Variants in KAZN observed in about 807,000 individuals in gnomAD.
KAZN encodes kazrin, periplakin interacting protein, also known as kazrin.
In KAZN, 40 loss-of-function variants were observed where a neutral mutation model predicts 87.4. The observed-to-expected ratio is 0.46, with a 90% CI of 0.36 to 0.60. The LOEUF (loss-of-function observed/expected upper bound fraction) is 0.60, where lower values mean the gene tolerates loss of function less well. KAZN is among the 20% of genes least tolerant of loss of function. KAZN has a pLI of 0.00. For missense variants in KAZN, 898 were observed against 1,073.9 expected, an observed-to-expected ratio of 0.84 and a Z score of 2.29; for synonymous variants, 466 against 458.3, an observed-to-expected ratio of 1.02 and a Z score of -0.22.
chr1:14,747,987 C>T (rs1021440123), intron 1 of KAZN, among the ~76,000 whole-genome samples: 2 of 152,192 alleles, frequency 1.3e-5, no homozygotes, highest in African/African-American at 4.8e-5. Context: ...GATTTCCAAA[C>T]ATTTCAACTT....
intron 2 of KAZN, among the ~76,000 whole-genome samples, chr1:15,023,597 A>G (rs1670896030): frequency 6.6e-6 from 1 of 152,156 alleles, no homozygotes; most frequent in Non-Finnish European, 1.5e-5. Context: ...CTTGTAGACC[A>G]TTGGAAGGAC....
At chr1:14,822,976 C>T (rs955921184) in intron 1 of KAZN, among the ~76,000 whole-genome samples, 2 of 152,162 alleles carry the variant, frequency 1.3e-5, no homozygotes, top group South Asian at 2.1e-4. Flanking sequence ...TAAAGGGGAT[C>T]GCCACCATCC....
intron 1 of KAZN, among the ~76,000 whole-genome samples, chr1:14,892,845 CA>C (rs1332395769): frequency 6.6e-6 from 1 of 152,166 alleles, no homozygotes; most frequent in African/African-American, 2.4e-5. Flanking sequence ...TACACACACA[CA>C]CACAAAAGCT....
chr1:14,136,957 G>A (rs6671472), intron 1 of KAZN, among the ~76,000 whole-genome samples: 81,790 of 151,904 alleles, frequency 0.54, 23,054 homozygotes, highest in East Asian at 0.73. Context: ...ACCCAACGCC[G>A]AGGGAGAGAA....
At chr1:15,073,584 G>A (rs948553522) in intron 8 of KAZN, among the ~76,000 whole-genome samples, 10 of 152,122 alleles carry the variant, frequency 6.6e-5, no homozygotes, top group East Asian at 1.9e-4. Context: ...CAGAGGGGAC[G>A]GGCACTCTGG....
At chr1:14,806,161 G>T in intron 1 of KAZN, among the ~76,000 whole-genome samples, 1 of 152,146 alleles carries the variant, frequency 6.6e-6, no homozygotes, top group East Asian at 1.9e-4. Flanking sequence ...TGGCCTTTAG[G>T]GAAAAGCCTG....
chr1:13,956,318 T>C (rs1376014259), intron 1 of KAZN, among the ~76,000 whole-genome samples: 1 of 149,420 alleles, frequency 6.7e-6, no homozygotes, highest in Non-Finnish European at 1.5e-5. Flanking sequence ...TTCTTTTTTT[T>C]TTTTTGATCA....
intron 2 of KAZN, among the ~76,000 whole-genome samples, chr1:14,247,132 T>A (rs879572792): frequency 2.0e-5 from 3 of 152,068 alleles, no homozygotes; most frequent in Non-Finnish European, 2.9e-5. Flanking sequence ...TTTCTTATTA[T>A]AAAAAAAGGC....
intron 1 of KAZN, among the ~76,000 whole-genome samples, chr1:14,162,911 C>G (rs545194754): frequency 1.3e-5 from 2 of 152,226 alleles, no homozygotes; most frequent in South Asian, 4.2e-4. Context: ...GAACCATTTC[C>G]TAATTTTAGT....
At chr1:14,411,555 C>T (rs561106522) in intron 2 of KAZN, among the ~76,000 whole-genome samples, 15 of 152,384 alleles carry the variant, frequency 9.8e-5, no homozygotes, top group African/African-American at 3.6e-4. Flanking sequence ...CTGCCTTGGC[C>T]TCCCAAAGTG....
chr1:14,668,861 CA>C (rs1356052281), intron 1 of KAZN, among the ~76,000 whole-genome samples: 2 of 152,156 alleles, frequency 1.3e-5, no homozygotes, highest in Non-Finnish European at 2.9e-5. Context: ...AGCTTGACAT[CA>C]ATTTGTAACT....
At chr1:14,389,307 A>T (rs1254065100) in intron 2 of KAZN, among the ~76,000 whole-genome samples, 1 of 152,184 alleles carries the variant, frequency 6.6e-6, no homozygotes, top group Non-Finnish European at 1.5e-5. Flanking sequence ...TTCTCAAAAA[A>T]ACTAAAAATA....
intron 1 of KAZN, among the ~76,000 whole-genome samples, chr1:14,890,712 A>G (rs1444355614): frequency 6.6e-6 from 1 of 152,036 alleles, no homozygotes; most frequent in African/African-American, 2.4e-5. Flanking sequence ...TTTTTAATCT[A>G]GAGCTGGGGT....
At position 15,030,828 on chromosome 1, in the gene KAZN, A is replaced by T. The variant is rs1671618442; in HGVS notation, c.419-3921A>T. Among the ~76,000 whole-genome samples the T allele has an allele frequency of 2.6e-5, 4 of 152,352 alleles. No homozygotes were observed. The South Asian group carries it at 8.3e-4, about 32-fold the overall frequency. Reference sequence around the variant, plus strand: ...ACCTAAGCTGCTGCTCAGCCAAGCCAGGCAGGAGAGGACAGATCCAGCTGT... The same window carrying T: ...ACCTAAGCTGCTGCTCAGCCAAGCCTGGCAGGAGAGGACAGATCCAGCTGT... On this transcript the variant is annotated intron_variant, in intron 2 of 14. Coordinates refer to ENST00000376030, the MANE Select transcript of KAZN (RefSeq NM_201628.3).
chr1:14,169,109 G>A (rs796899643), intron 1 of KAZN, among the ~76,000 whole-genome samples: 6 of 152,232 alleles, frequency 3.9e-5, no homozygotes, highest in African/African-American at 1.4e-4. Context: ...GGGTTTACTC[G>A]GTATAGGTAA....
chr1:15,036,323 T>TGCCCC (rs1672304658), intron 3 of KAZN, among the ~76,000 whole-genome samples: 1 of 43,368 alleles, frequency 2.3e-5, no homozygotes, highest in Non-Finnish European at 4.4e-5. Context: ...CTGCCTAGCC[T>TGCCCC]GCCCCGCCCG....
intron 2 of KAZN, among the ~76,000 whole-genome samples, chr1:14,451,431 G>A (rs1172227311): frequency 6.6e-6 from 1 of 152,108 alleles, no homozygotes; most frequent in Non-Finnish European, 1.5e-5. Context: ...CATGGTTACA[G>A]ACAACAGAAA....
intron 1 of KAZN, among the ~76,000 whole-genome samples, chr1:14,892,835 T>TAC (rs147437444): frequency 3.4e-4 from 52 of 151,624 alleles, no homozygotes; most frequent in South Asian, 2.1e-3. Flanking sequence ...CTCCAATACC[T>TAC]ACACACACAC....
chr1:14,757,516 G>A (rs1048037693), intron 1 of KAZN, among the ~76,000 whole-genome samples: 1 of 152,146 alleles, frequency 6.6e-6, no homozygotes, highest in East Asian at 1.9e-4. Context: ...CAGTAAAATG[G>A]CAACAGTAGC....
Sources: gnomAD v4.1 joint callset for allele counts (sites outside exome capture counted in the v4.1 genomes callset) on GRCh38, gnomAD v4.1.1 for gene constraint, MANE v1.5 for transcripts, NCBI Gene and HGNC (gene_info 2026-07-23, HGNC 2026-07-21) for gene names.